Variants in PRPF39 observed in about 807,000 individuals in gnomAD.
PRPF39 encodes the protein pre-mRNA-processing factor 39.
Under a neutral mutation model 82.1 loss-of-function variants are expected in PRPF39, and 27 were observed. The ratio of observed to expected loss-of-function variants is 0.33; its 90% CI spans 0.24 to 0.45. The LOEUF (loss-of-function observed/expected upper bound fraction) is 0.45. Ranked by LOEUF, PRPF39 falls within the 20% of genes least tolerant of loss-of-function variation. The probability of loss-of-function intolerance (pLI) is 1.00; values close to 1 mark genes in which losing one functional copy is unlikely to be tolerated. For missense variants in PRPF39, 581 were observed against 796.9 expected, an observed-to-expected ratio of 0.73 and a Z score of 3.26; for synonymous variants, 261 against 256.4, an observed-to-expected ratio of 1.02 and a Z score of -0.17.
intron 13 of PRPF39, 62 bp downstream of exon 13, chr14:45,114,676 TC>T (rs1476908907): frequency 6.5e-7 from 1 of 1,547,110 alleles, no homozygotes; most frequent in African/African-American, 1.4e-5. Flanking sequence ...TAGGATAGTT[TC>T]TTTTTTTTTA....
chr14:45,110,114 C>A lies in PRPF39; in HGVS notation c.1197C>A (p.Asn399Lys), dbSNP rs762076776. Reference protein sequence around the residue: ...FWIKYAKYMENHSIEGVRHVF... With the variant: ...FWIKYAKYMEKHSIEGVRHVF... The stretch of plus-strand genomic sequence containing the variant: ...TGTAGTATGCCAAGTACATGGAAAA[C>A]CATAGCATTGAAGGAGTGAGGCATG... Residue 399 changes from asparagine (N) to lysine (K), a missense_variant, in exon 9 of 14, where the codon AAC (asparagine) becomes AAA (lysine). By Grantham distance (94) the Asn-to-Lys change is moderately conservative (BLOSUM62 0). Coordinates refer to ENST00000355765, the MANE Select transcript of PRPF39 (RefSeq NM_017922.4). This position sits in a 1 kb window ranked among gnomAD's most constrained non-coding sequence, Gnocchi z 4.0. 11 of 1,613,258 alleles carry A rather than the reference C, an allele frequency of 6.8e-6. No homozygotes were observed. The highest frequency in any genetic ancestry group is 9.3e-6 in the Non-Finnish European group (11 of 1,179,456).
At chr14:45,105,327 C>A (rs73349868) in intron 5 of PRPF39, among the ~76,000 whole-genome samples, 14,979 of 151,854 alleles carry the variant, frequency 0.099, 971 homozygotes, top group African/African-American at 0.18. Flanking sequence ...ATTTGTTGAC[C>A]ATTCTGAGTT....
chr14:45,089,008 A>G (rs1018015568), intron 1 of PRPF39, among the ~76,000 whole-genome samples: 1 of 152,228 alleles, frequency 6.6e-6, no homozygotes. Context: ...GCCCCTTATT[A>G]CAGATATGAT....
In PRPF39 at chr14:45,110,295, A is replaced by G; in HGVS notation, c.1303+75A>G. 1 of 1,573,834 alleles carries G rather than the reference A, an allele frequency of 6.4e-7. No homozygotes were observed. The highest frequency in any genetic ancestry group is 1.1e-5 in the South Asian group (1 of 87,994). On this transcript the variant is annotated intron_variant, in intron 9 of 13. Transcript: ENST00000355765. This position sits in a 1 kb window ranked among gnomAD's most constrained non-coding sequence, Gnocchi z 4.0. ...AGGAAACAGTGACAAATTGAGTGGT[A>G]AGGGATGGTGTAAAGCAGAGTTTGG...
intron 1 of PRPF39, among the ~76,000 whole-genome samples, chr14:45,084,863 C>T (rs1361792365): frequency 1.3e-5 from 2 of 152,126 alleles, no homozygotes; most frequent in African/African-American, 4.8e-5. Flanking sequence ...GTGTTTTTCT[C>T]CAAAATCACA....
intron 4 of PRPF39, among the ~76,000 whole-genome samples, chr14:45,102,261 AC>A (rs1884398891): frequency 6.6e-6 from 1 of 152,156 alleles, no homozygotes; most frequent in Non-Finnish European, 1.5e-5. Flanking sequence ...GTCTACTCTT[AC>A]CTATTTGCAA....
At chr14:45,095,854 C>A in intron 2 of PRPF39, 1 of 413,008 alleles carries the variant, frequency 2.4e-6, no homozygotes. Flanking sequence ...GTTTCAATTG[C>A]GTTTAGAAGA....
intron 6 of PRPF39, among the ~76,000 whole-genome samples, chr14:45,107,934 GA>G (rs112505747): frequency 5.4e-4 from 82 of 151,768 alleles, no homozygotes; most frequent in African/African-American, 1.4e-3. Flanking sequence ...ATCTCGGGGG[GA>G]AAAAAAGGTC....
chr14:45,110,466 T>C lies in PRPF39; in HGVS notation c.1304-83T>C. On this transcript the variant is annotated intron_variant, in intron 9 of 13. Transcript: ENST00000355765. This position sits in a 1 kb window ranked among gnomAD's most constrained non-coding sequence, Gnocchi z 4.0. ...ATTATTAGTTGCTGGATTTAGCCCA[T>C]GGGTGATTGTTGCCAGTATCTGGTT... 1.0e-5 allele frequency: 14 copies of C among 1,381,864 alleles called. No individual in the cohort carries two copies. Among genetic ancestry groups the C allele is most frequent in the Non-Finnish European group, 1.4e-5 (14 of 1,015,966 alleles). The allele number at this position is 1,381,864 out of a possible 1,614,324, so 85.6% of individuals were successfully genotyped here. A position where few individuals can be genotyped will look rare whatever the true frequency, so the allele number is the denominator to read the frequency against.
intron 7 of PRPF39, 42 bp downstream of exon 7, chr14:45,108,564 A>C: frequency 6.4e-7 from 1 of 1,552,854 alleles, no homozygotes; most frequent in Non-Finnish European, 8.6e-7. Flanking sequence ...AATACAAAGT[A>C]GGAATAATTT....
Position 45,108,411 on chromosome 14 carries a change from C to A in PRPF39, c.904-4C>A. 1 of 1,562,302 alleles carries A rather than the reference C, an allele frequency of 6.4e-7. No homozygotes were observed. Among genetic ancestry groups the A allele is most frequent in the South Asian group, 1.2e-5 (1 of 81,438 alleles). The stretch of plus-strand genomic sequence containing the variant: ...ATTTATTTTTTTCCCTTTTTCTTCC[C>A]AAGCTAATTACAGAAATAGAAAACA... On this transcript the variant is annotated splice_region_variant and splice_polypyrimidine_tract_variant and intron_variant, in intron 6 of 13. Transcript: ENST00000355765.
intron 6 of PRPF39, among the ~76,000 whole-genome samples, chr14:45,108,084 A>C (rs542061384): frequency 1.6e-4 from 24 of 152,302 alleles, no homozygotes; most frequent in African/African-American, 5.8e-4. Flanking sequence ...GGGATTCAGT[A>C]GCTTGTATGT....
chr14:45,115,030 C>G lies in PRPF39; in HGVS notation c.*117C>G. On this transcript the variant is annotated 3_prime_UTR_variant, in exon 14 of 14. Coordinates refer to ENST00000355765, the MANE Select transcript of PRPF39 (RefSeq NM_017922.4). ...ATTTGATAACCTGTCTTCCTTGTTT[C>G]TGTGTAACATGATTTGTTTAGTAAT... 1.3e-6 allele frequency: 1 copy of G among 741,692 alleles called. No homozygotes were observed. The highest frequency in any genetic ancestry group is 2.2e-6 in the Non-Finnish European group (1 of 465,014). The allele number at this position is 741,692 out of a possible 1,614,324, so 45.9% of individuals were successfully genotyped here.
At chr14:45,095,768 A>G in intron 2 of PRPF39, 1 of 680,776 alleles carries the variant, frequency 1.5e-6, no homozygotes, top group South Asian at 2.8e-5. Flanking sequence ...TCAAAGCTTA[A>G]TGTTTTGTAA....
chr14:45,102,686 C>A lies in PRPF39; in HGVS notation c.727C>A (p.His243Asn). ...TATTCCAACACAGCTGTATAGTCAT[C>A]ATTTTCAGAGGTAGGTGGGAAATTC... Reference protein sequence around the residue: ...LGIPTQLYSHHFQRFKEHVQN... With the variant: ...LGIPTQLYSHNFQRFKEHVQN... The change falls in exon 5 of 14, where the codon CAT becomes AAT. Residue 243 changes from histidine to asparagine, a missense_variant. By Grantham distance (68) the His-to-Asn change is moderately conservative. Transcript: ENST00000355765. 1 of 1,594,328 alleles carries A rather than the reference C, an allele frequency of 6.3e-7. No homozygotes were observed. The highest frequency in any genetic ancestry group is 1.2e-5 in the South Asian group (1 of 86,400).
chr14:45,095,827 CA>C (rs1424045885), intron 2 of PRPF39: 4 of 479,508 alleles, frequency 8.3e-6, no homozygotes, highest in Non-Finnish European at 1.3e-5. Context: ...AAAAAGTTGG[CA>C]AAATTAGTTC....
chr14:45,105,188 A>T (rs1405425420), intron 5 of PRPF39, among the ~76,000 whole-genome samples: 1 of 152,212 alleles, frequency 6.6e-6, no homozygotes, highest in Non-Finnish European at 1.5e-5. Flanking sequence ...CTGCTGAAAA[A>T]ATACTGCTTA....
intron 5 of PRPF39, 62 bp downstream of exon 5, chr14:45,102,758 GTAT>G: frequency 2.9e-6 from 4 of 1,383,332 alleles, no homozygotes; most frequent in Non-Finnish European, 3.9e-6. Flanking sequence ...GTAATATTAA[GTAT>G]TATAATTATC....
At position 45,110,870 on chromosome 14, in the gene PRPF39, T is replaced by G. The variant is rs780104678; in HGVS notation, c.1572+53T>G. The G allele has an allele frequency of 8.2e-6, 12 of 1,457,544 alleles. No individual in the cohort carries two copies. Among genetic ancestry groups the G allele is most frequent in the Non-Finnish European group, 1.1e-5 (12 of 1,081,364 alleles). 90.3% of individuals were successfully genotyped at this position (1,457,544 alleles called of 1,614,324 possible). A position where few individuals can be genotyped will look rare whatever the true frequency, so the allele number is the denominator to read the frequency against. On this transcript the variant is annotated intron_variant, in intron 10 of 13. Coordinates refer to ENST00000355765, the MANE Select transcript of PRPF39 (RefSeq NM_017922.4). The surrounding 1 kb of genome is among the most constrained non-coding windows in gnomAD (Gnocchi z 4.0). The stretch of plus-strand genomic sequence containing the variant: ...TTCTATTAAAAAAACCAGTGGTCAG[T>G]GTATTTTCACTGTGGCAACTGTGAT...
Sources: gnomAD v4.1 joint callset for allele counts (sites outside exome capture counted in the v4.1 genomes callset) on GRCh38, gnomAD v4.1.1 for gene constraint, Gnocchi (gnomAD v3.1) non-coding constraint, MANE v1.5 for transcripts, NCBI Gene and HGNC (gene_info 2026-07-23, HGNC 2026-07-21) for gene names.